AGBL4: variants seen among roughly 807,000 people sequenced by gnomAD.
AGBL4 encodes the protein AGBL carboxypeptidase 4, also known as cytosolic carboxypeptidase 6.
A neutral mutation model predicts 66.4 loss-of-function variants in AGBL4; 58 were observed. The observed-to-expected ratio is 0.87, with a 90% CI of 0.71 to 1.09. The LOEUF (loss-of-function observed/expected upper bound fraction) is 1.09. AGBL4 is among the 50% of genes least tolerant of loss of function. The pLI is 0.00. For missense variants in AGBL4, 579 were observed against 631.0 expected, an observed-to-expected ratio of 0.92 and a Z score of 0.88; for synonymous variants, 234 against 222.9, an observed-to-expected ratio of 1.05 and a Z score of -0.44.
At chr1:49,398,290 A>C (rs908498019) in intron 3 of AGBL4, among the ~76,000 whole-genome samples, 1 of 151,756 alleles carries the variant, frequency 6.6e-6, no homozygotes, top group African/African-American at 2.4e-5. Flanking sequence ...CAGAACAAAA[A>C]GGCAAAGGAA....
At chr1:49,234,905 G>A (rs898805172) in intron 4 of AGBL4, among the ~76,000 whole-genome samples, 2 of 152,102 alleles carry the variant, frequency 1.3e-5, no homozygotes, top group African/African-American at 4.8e-5. Context: ...CTGTAAGACC[G>A]TTTTCTGAGC....
intron 3 of AGBL4, among the ~76,000 whole-genome samples, chr1:49,271,232 G>A (rs1644050868): frequency 6.6e-6 from 1 of 151,926 alleles, no homozygotes; most frequent in African/African-American, 2.4e-5. Flanking sequence ...GGGACTTTTG[G>A]GACTTTGTGA....
At chr1:48,969,653 A>G (rs1048418788) in intron 5 of AGBL4, among the ~76,000 whole-genome samples, 1 of 151,832 alleles carries the variant, frequency 6.6e-6, no homozygotes, top group African/African-American at 2.4e-5. Flanking sequence ...CTAAATTCTT[A>G]GGAAAATATA....
chr1:49,622,146 C>G (rs539487247), intron 3 of AGBL4, among the ~76,000 whole-genome samples: 2 of 152,200 alleles, frequency 1.3e-5, no homozygotes, highest in East Asian at 3.9e-4. Flanking sequence ...GTAGTCTTTC[C>G]TCTGGTAGCT....
At chr1:49,742,946 C>T (rs373855486) in intron 2 of AGBL4, among the ~76,000 whole-genome samples, 2 of 152,036 alleles carry the variant, frequency 1.3e-5, no homozygotes, top group Non-Finnish European at 2.9e-5. Flanking sequence ...ACCATAAAAA[C>T]CCTAGAAAAA....
At chr1:49,877,328 G>A (rs1186774518) in intron 1 of AGBL4, among the ~76,000 whole-genome samples, 16 of 151,806 alleles carry the variant, frequency 1.1e-4, no homozygotes, top group East Asian at 7.8e-4. Flanking sequence ...TTTGAAATAC[G>A]TCCCATCAAT....
intron 3 of AGBL4, among the ~76,000 whole-genome samples, chr1:49,606,786 T>C (rs1217270723): frequency 6.6e-6 from 1 of 152,112 alleles, no homozygotes; most frequent in Non-Finnish European, 1.5e-5. Context: ...TATTTCTGAA[T>C]CCAAACAACC....
chr1:48,873,554 CTT>C (rs1648903687), intron 5 of AGBL4, among the ~76,000 whole-genome samples: 1 of 152,118 alleles, frequency 6.6e-6, no homozygotes, highest in African/African-American at 2.4e-5. Flanking sequence ...GCTGTGCCCT[CTT>C]TATTTCTCTC....
At chr1:48,803,658 G>T (rs1157399505) in intron 6 of AGBL4, among the ~76,000 whole-genome samples, 6 of 152,208 alleles carry the variant, frequency 3.9e-5, no homozygotes, top group Non-Finnish European at 5.9e-5. Context: ...ATTTTCTGAG[G>T]CTATGAAAAG....
At chr1:49,484,100 A>C (rs1647012983) in intron 3 of AGBL4, among the ~76,000 whole-genome samples, 1 of 151,962 alleles carries the variant, frequency 6.6e-6, no homozygotes, top group Non-Finnish European at 1.5e-5. Context: ...GGCAATAACA[A>C]ATGCAAGTGA....
intron 3 of AGBL4, among the ~76,000 whole-genome samples, chr1:49,380,904 C>T (rs1644590114): frequency 6.6e-6 from 1 of 152,072 alleles, no homozygotes; most frequent in South Asian, 2.1e-4. Flanking sequence ...AGAAGAAAAC[C>T]TAGGCATTAC....
chr1:49,354,095 C>G (rs1421653426), intron 3 of AGBL4, among the ~76,000 whole-genome samples: 1 of 152,170 alleles, frequency 6.6e-6, no homozygotes, highest in East Asian at 1.9e-4. Context: ...ATGGCAACTG[C>G]TAAAAGAACA....
At chr1:49,136,878 A>G (rs1237340548) in intron 4 of AGBL4, among the ~76,000 whole-genome samples, 1 of 152,154 alleles carries the variant, frequency 6.6e-6, no homozygotes, top group East Asian at 1.9e-4. Flanking sequence ...TTTAGCTACA[A>G]AAATATGCTA....
At chr1:49,950,505 A>AAG (rs1214860422) in intron 1 of AGBL4, among the ~76,000 whole-genome samples, 1 of 151,690 alleles carries the variant, frequency 6.6e-6, no homozygotes, top group Non-Finnish European at 1.5e-5. Flanking sequence ...ATCACCACTA[A>AAG]AGAACTTACT....
chr1:49,261,154 T>C (rs1461642312), intron 3 of AGBL4, among the ~76,000 whole-genome samples: 2 of 151,906 alleles, frequency 1.3e-5, no homozygotes, highest in Non-Finnish European at 2.9e-5. Flanking sequence ...TGATGGGACA[T>C]ATCTCAAAAT....
intron 5 of AGBL4, among the ~76,000 whole-genome samples, chr1:48,958,713 C>A (rs115936945): frequency 0.022 from 3,387 of 152,290 alleles, 131 homozygotes; most frequent in African/African-American, 0.074. Flanking sequence ...GCAGGGTGCC[C>A]TAAGCTTAGA....
intron 1 of AGBL4, among the ~76,000 whole-genome samples, chr1:49,992,470 T>C (rs1660031159): frequency 6.6e-6 from 1 of 151,896 alleles, no homozygotes; most frequent in Non-Finnish European, 1.5e-5. Context: ...GGGTCTCATT[T>C]AGTTCCCTAT....
At chr1:48,741,195 C>A (rs960012963) in intron 6 of AGBL4, among the ~76,000 whole-genome samples, 4 of 152,190 alleles carry the variant, frequency 2.6e-5, no homozygotes, top group Non-Finnish European at 5.9e-5. Context: ...AAAAAGAAAT[C>A]AACAAACATA....
Position 50,019,306 on chromosome 1 carries a change from T to TCTCTCTCACACACACACA in AGBL4, c.34+4456_34+4457insTGTGTGTGTGTGAGAGAG, listed in dbSNP as rs1167835143. On this transcript the variant is annotated intron_variant, in intron 1 of 13. Coordinates refer to ENST00000371839, the MANE Select transcript of AGBL4 (RefSeq NM_032785.4). ...CTCTCTCTCTCTCTCTCTCTCTCTCTCACACACACACACACACACACACAC... is the reference window on the plus strand; with the variant it reads ...CTCTCTCTCTCTCTCTCTCTCTCTCTCTCTCTCACACACACACACACACACACACACACACACACACAC... 2.8e-3 allele frequency among the ~76,000 whole-genome samples: 134 copies of TCTCTCTCACACACACACA among 48,416 alleles called. 3 individuals are homozygous for TCTCTCTCACACACACACA. Among genetic ancestry groups the TCTCTCTCACACACACACA allele is most frequent in the East Asian group, 0.02 (19 of 938 alleles). The allele number at this position is 48,416 out of a possible 152,430, so 31.8% of individuals were successfully genotyped here.
Sources: allele counts gnomAD v4.1 joint callset (sites outside exome capture counted in the v4.1 genomes callset), GRCh38; gene constraint gnomAD v4.1.1; transcripts MANE v1.5; gene names NCBI Gene and HGNC (gene_info 2026-07-23, HGNC 2026-07-21).